CCDC136: variants seen among roughly 807,000 people sequenced by gnomAD.
CCDC136 encodes coiled-coil domain-containing protein 136.
A neutral mutation model predicts 141.2 loss-of-function variants in CCDC136; 100 were observed. The observed-to-expected ratio is 0.71, with a 90% CI of 0.60 to 0.84. The LOEUF (loss-of-function observed/expected upper bound fraction) is 0.84. CCDC136 is among the 40% of genes least tolerant of loss of function. The probability of loss-of-function intolerance (pLI) is 0.00; values close to 1 mark genes in which losing one functional copy is unlikely to be tolerated. For missense variants in CCDC136, 1,206 were observed against 1,379.4 expected, an observed-to-expected ratio of 0.87 and a Z score of 1.99; for synonymous variants, 474 against 531.9, an observed-to-expected ratio of 0.89 and a Z score of 1.50.
chr7:128,814,088 CCTT>C (rs760576877), intron 14 of CCDC136, among the ~76,000 whole-genome samples: 3 of 151,838 alleles, frequency 2.0e-5, no homozygotes, highest in African/African-American at 4.8e-5. Flanking sequence ...ATTGTTTTGA[CCTT>C]CTTTTTTTTT....
rs1176721889 is a variant in CCDC136 at position 128,809,513 on chromosome 7, A to G, written c.1669A>G (p.Met557Val). The change falls in exon 11 of 18, where the codon ATG becomes GTG. Residue 557 changes from methionine to valine, a missense_variant. Physicochemically the swap from Met to Val is conservative, Grantham distance 21. Coordinates refer to ENST00000297788, the MANE Select transcript of CCDC136 (RefSeq NM_022742.5). ...AAAGTACAAGGCCAGCCAGAAGGAG[A>G]TGGGGCAGCTGCAGATGGAGCAGTG... is the stretch of plus-strand genomic sequence containing the variant. ...QEKYKASQKE[M>V]GQLQMEQCEL... is the part of the protein sequence containing the mutation. The G allele has an allele frequency of 6.5e-7, 1 of 1,547,158 alleles. No homozygotes were observed. The highest frequency in any genetic ancestry group is 1.2e-5 in the South Asian group (1 of 83,922).
chr7:128,799,273 A>G (rs1014802026), intron 3 of CCDC136, among the ~76,000 whole-genome samples: 3 of 150,808 alleles, frequency 2.0e-5, no homozygotes, highest in African/African-American at 4.9e-5. Flanking sequence ...GAGCCCAGGA[A>G]GTCAAGGCTG....
Position 128,794,642 on chromosome 7 carries a change from G to A in CCDC136, c.271+40G>A, listed in dbSNP as rs3736280. The stretch of plus-strand genomic sequence containing the variant: ...CAGGGCCCAGTGCCCGGGCCCAGAG[G>A]CTCTGCACTCCCCTGGATCCGAGCT... On this transcript the variant is annotated intron_variant, in intron 2 of 17. Coordinates refer to ENST00000297788, the MANE Select transcript of CCDC136 (RefSeq NM_022742.5). This position sits in a 1 kb window ranked among gnomAD's most constrained non-coding sequence, Gnocchi z 4.3. 4.4e-3 allele frequency: 6,759 copies of A among 1,533,902 alleles called. 138 individuals are homozygous for A. The East Asian group carries it at 0.045, about 10-fold the overall frequency.
chr7:128,820,497 C>T (rs1348482993), intron 17 of CCDC136, among the ~76,000 whole-genome samples: 3 of 152,218 alleles, frequency 2.0e-5, no homozygotes, highest in Non-Finnish European at 4.4e-5. Flanking sequence ...ATTTCAGCTC[C>T]TCCCTCCTTT....
In CCDC136 at chr7:128,816,044, C is replaced by A. The variant is rs969358571; in HGVS notation, c.3363+113C>A. ...GATATCTCCAGGAGTGGAGGCCTCG[C>A]GCTCTAAGGCACAACCCTTCGGGGA... On this transcript the variant is annotated intron_variant, in intron 16 of 17. Coordinates refer to ENST00000297788, the MANE Select transcript of CCDC136 (RefSeq NM_022742.5). 3 of 1,002,912 alleles carry A rather than the reference C, an allele frequency of 3.0e-6. No individual in the cohort carries two copies. The African/African-American group carries it at 4.9e-5, about 17-fold the overall frequency. 62.1% of individuals were successfully genotyped at this position (1,002,912 alleles called of 1,614,324 possible). A position where few individuals can be genotyped will look rare whatever the true frequency, so the allele number is the denominator to read the frequency against.
chr7:128,815,988 T>G, intron 16 of CCDC136, 57 bp downstream of exon 16: 1 of 1,515,510 alleles, frequency 6.6e-7, no homozygotes, highest in Non-Finnish European at 8.9e-7. Context: ...CTCAGATAAC[T>G]CCGAGTTAAT....
rs1209170116 is a variant in CCDC136, at chr7:128,815,838, G to A, written c.3270G>A (p.Lys1090=). Residue 1090 remains lysine (K), a synonymous_variant, in exon 16 of 18, where the codon AAG becomes AAA. Coordinates refer to ENST00000297788, the MANE Select transcript of CCDC136 (RefSeq NM_022742.5). The stretch of plus-strand genomic sequence containing the variant: ...AAGAGGACAAAGAGGAAGAGGAGAA[G>A]GAAGAAGACAGTGAAGAGGAGGAGG... The part of the protein sequence containing the change: ...ENEEDKEEEE[K]EEDSEEEEDD... 1.9e-6 allele frequency: 3 copies of A among 1,612,880 alleles called. No individual in the cohort carries two copies. In the African/African-American group the frequency reaches 4.0e-5, roughly 22 times the overall value.
intron 3 of CCDC136, among the ~76,000 whole-genome samples, 155 bp from the exon 4 acceptor site, chr7:128,801,031 C>T (rs775213051): frequency 2.6e-4 from 39 of 152,192 alleles, no homozygotes; most frequent in Admixed American, 9.2e-4. Context: ...CCTTTTATTC[C>T]GTCCGGCATG....
chr7:128,818,193 CCT>C (rs1806937268), intron 17 of CCDC136: 1 of 290,424 alleles, frequency 3.4e-6, no homozygotes, highest in South Asian at 3.8e-5. Flanking sequence ...CCCCGCTCAT[CCT>C]CTGTGTGATG....
rs1327434658 is a variant in CCDC136, at chr7:128,821,498, A to G, written c.*6-301A>G. ...TGGCATCCAGTCCTTTCTCATTGCA[A>G]CCACTTGGAAGTCTGGCCCCTGAGC... On this transcript the variant is annotated intron_variant, in intron 17 of 17. Coordinates refer to ENST00000297788, the MANE Select transcript of CCDC136 (RefSeq NM_022742.5). The surrounding 1 kb of genome is among the most constrained non-coding windows in gnomAD (Gnocchi z 5.1). 6.6e-6 allele frequency among the ~76,000 whole-genome samples: 1 copy of G among 152,082 alleles called. No individual in the cohort carries two copies. Among genetic ancestry groups the G allele is most frequent in the African/African-American group, 2.4e-5 (1 of 41,390 alleles).
At position 128,805,734 on chromosome 7, in the gene CCDC136, A is replaced by G; in HGVS notation, c.949-27A>G. On this transcript the variant is annotated intron_variant, in intron 6 of 17. Coordinates refer to ENST00000297788, the MANE Select transcript of CCDC136 (RefSeq NM_022742.5). This position sits in a 1 kb window ranked among gnomAD's most constrained non-coding sequence, Gnocchi z 4.6. Reference sequence around the variant, plus strand: ...GCATATGTGGTATCTGTAGTAAACAAGCCTCCCTGTTCCATTTCCCACATA... The same window carrying G: ...GCATATGTGGTATCTGTAGTAAACAGGCCTCCCTGTTCCATTTCCCACATA... The G allele has an allele frequency of 6.2e-7, 1 of 1,608,446 alleles. No individual in the cohort carries two copies. The highest frequency in any genetic ancestry group is 8.5e-7 in the Non-Finnish European group (1 of 1,177,158).
intron 9 of CCDC136, 139 bp from the exon 10 acceptor site, chr7:128,807,221 G>A (rs776060952): frequency 2.4e-4 from 116 of 487,802 alleles, no homozygotes; most frequent in Middle Eastern, 2.3e-3. Context: ...GGTCCATCTT[G>A]GGTATCTATC....
chr7:128,809,728 G>A, intron 11 of CCDC136, 84 bp downstream of exon 11: 3 of 1,085,338 alleles, frequency 2.8e-6, no homozygotes, highest in Non-Finnish European at 3.9e-6. Flanking sequence ...ATAAAAGGGT[G>A]GGGATTGAAC....
Position 128,810,751 on chromosome 7 carries a change from CT to C in CCDC136, c.2028+390del, listed in dbSNP as rs1203534274. Reference sequence around the variant, plus strand: ...CCTTTGGACTGACTCTAAATGTCATCTTTTTCTTGAGTGGAAAAGTACACTT... The same window carrying C: ...CCTTTGGACTGACTCTAAATGTCATCTTTTCTTGAGTGGAAAAGTACACTT... On this transcript the variant is annotated intron_variant, in intron 12 of 17. Coordinates refer to ENST00000297788, the MANE Select transcript of CCDC136 (RefSeq NM_022742.5). Among the ~76,000 whole-genome samples, 19 of 152,350 alleles carry C rather than the reference CT, an allele frequency of 1.2e-4. 1 individual carries two copies. Among genetic ancestry groups the C allele is most frequent in the Middle Eastern group, 3.4e-3 (1 of 294 alleles).
At position 128,799,857 on chromosome 7, in the gene CCDC136, C is replaced by T. The variant is rs529075554; in HGVS notation, c.347-1329C>T. ...GTGTCAGTGCCTTTTACTCTCTCCA[C>T]TTTTTCGTTCTGATCCCAGATGGGT... On this transcript the variant is annotated intron_variant, in intron 3 of 17. Transcript: ENST00000297788. Among the ~76,000 whole-genome samples the T allele has an allele frequency of 3.3e-5, 5 of 152,338 alleles. No individual in the cohort carries two copies. The South Asian group carries it at 8.3e-4, about 25-fold the overall frequency.
At position 128,815,638 on chromosome 7, in the gene CCDC136, A is replaced by G; in HGVS notation, c.3070A>G (p.Lys1024Glu). The G allele has an allele frequency of 6.4e-7, 1 of 1,556,140 alleles. No homozygotes were observed. The highest frequency in any genetic ancestry group is 8.7e-7 in the Non-Finnish European group (1 of 1,149,590). Reference sequence around the variant, plus strand: ...GAGTCTGGAGGTAGTGCTGTACTACAAGGCCAGCCAGAGGAAATTAGATGG... The same window carrying G: ...GAGTCTGGAGGTAGTGCTGTACTACGAGGCCAGCCAGAGGAAATTAGATGG... The part of the protein sequence containing the change: ...RKSLEVVLYY[K>E]ASQRKLDGLA... Residue 1024 changes from lysine to glutamate, a missense_variant, in exon 16 of 18, where the codon AAG becomes GAG. By Grantham distance (56) the Lys-to-Glu change is moderately conservative. Coordinates refer to ENST00000297788, the MANE Select transcript of CCDC136 (RefSeq NM_022742.5).
In CCDC136 at chr7:128,817,805, C is replaced by T; in HGVS notation, c.3411C>T (p.Gly1137=). The T allele has an allele frequency of 1.2e-6, 2 of 1,613,872 alleles. No individual in the cohort carries two copies. The highest frequency in any genetic ancestry group is 1.7e-6 in the Non-Finnish European group (2 of 1,179,862). Residue 1137 remains glycine (G), a synonymous_variant, in exon 17 of 18, where the codon GGC becomes GGT. Coordinates refer to ENST00000297788, the MANE Select transcript of CCDC136 (RefSeq NM_022742.5). This position sits in a 1 kb window ranked among gnomAD's most constrained non-coding sequence, Gnocchi z 4.6. ...NPPIFSLPLV[G]LVVISALLWC... ...CCATCTTCTCCTTGCCTCTTGTAGGCCTGGTGGTCATCTCGGCTTTGCTCT... is the reference window on the plus strand; with the variant it reads ...CCATCTTCTCCTTGCCTCTTGTAGGTCTGGTGGTCATCTCGGCTTTGCTCT...
chr7:128,794,490 C>T lies in CCDC136; in HGVS notation c.159C>T (p.Leu53=). Residue 53 remains leucine, a synonymous_variant, in exon 2 of 18, where the codon CTC becomes CTT. Transcript: ENST00000297788. This position sits in a 1 kb window ranked among gnomAD's most constrained non-coding sequence, Gnocchi z 4.3. ...LSVNKHRGLS[L]TETELEELRA... ...TCAACAAGCACCGGGGACTGAGCCT[C>T]ACGGAGACAGAGCTGGAGGAGCTGC... 6.4e-7 allele frequency: 1 copy of T among 1,552,278 alleles called. No individual in the cohort carries two copies. The highest frequency in any genetic ancestry group is 8.7e-7 in the Non-Finnish European group (1 of 1,147,242).
rs754890260 is a variant in CCDC136 at position 128,811,901 on chromosome 7, A to G, written c.2130A>G (p.Leu710=). Residue 710 remains leucine, a synonymous_variant, in exon 13 of 18, where the codon CTA becomes CTG. Coordinates refer to ENST00000297788, the MANE Select transcript of CCDC136 (RefSeq NM_022742.5). ...ELLQQEQGRL[L]EERKRLQADL... is the part of the protein sequence containing the mutation. ...TGCAGCAAGAGCAAGGGAGGCTCCT[A>G]GAGGAGCGGAAGAGGCTGCAGGCAG... The G allele has an allele frequency of 6.8e-6, 11 of 1,613,712 alleles. No individual in the cohort carries two copies. Among genetic ancestry groups the G allele is most frequent in the Non-Finnish European group, 9.3e-6 (11 of 1,179,726 alleles).
Sources: allele counts gnomAD v4.1 joint callset (sites outside exome capture counted in the v4.1 genomes callset), GRCh38; gene constraint gnomAD v4.1.1; non-coding constraint Gnocchi (gnomAD v3.1); transcripts MANE v1.5; gene names NCBI Gene and HGNC (gene_info 2026-07-23, HGNC 2026-07-21).